EZH2: variants seen among roughly 807,000 people sequenced by gnomAD.
The protein encoded by EZH2 is histone-lysine N-methyltransferase EZH2.
Under a neutral mutation model 98.4 loss-of-function variants are expected in EZH2, and 18 were observed. The observed-to-expected ratio is 0.18, with a 90% CI of 0.13 to 0.27. EZH2 has a LOEUF of 0.27. Among genes scored for constraint, EZH2 ranks in the 10% least tolerant of loss-of-function variants. EZH2 has a pLI of 1.00. For synonymous variants in EZH2, 338 were observed against 312.3 expected (o/e 1.08, Z -0.87); for missense variants, 470 against 935.1 (o/e 0.50, Z 6.49).
At chr7:148,865,947 A>G (rs573823291) in intron 1 of EZH2, among the ~76,000 whole-genome samples, 1 of 152,166 alleles carries the variant, frequency 6.6e-6, no homozygotes, top group African/African-American at 2.4e-5. Flanking sequence ...CAATGTCTGC[A>G]AAGTGCCATT....
chr7:148,871,414 A>AG (rs950785111), intron 1 of EZH2, among the ~76,000 whole-genome samples: 4 of 149,750 alleles, frequency 2.7e-5, no homozygotes, highest in Non-Finnish European at 4.5e-5. Context: ...AAAAAAAAAA[A>AG]AAAAAAAAAA....
chr7:148,811,320 T>C (rs1803021963), intron 16 of EZH2, among the ~76,000 whole-genome samples: 1 of 152,100 alleles, frequency 6.6e-6, no homozygotes, highest in African/African-American at 2.4e-5. Flanking sequence ...CCGGCTAATT[T>C]TTGCATTTTT....
At chr7:148,834,227 G>C (rs1179089205) in intron 3 of EZH2, among the ~76,000 whole-genome samples, 1 of 151,808 alleles carries the variant, frequency 6.6e-6, no homozygotes, top group Non-Finnish European at 1.5e-5. Flanking sequence ...TACTGCCCAG[G>C]TGTAAGTCCT....
In EZH2 at chr7:148,879,801, G is replaced by A. The variant is rs539554750; in HGVS notation, c.-8+4363C>T. Among the ~76,000 whole-genome samples, 12 of 151,858 alleles carry A rather than the reference G, an allele frequency of 7.9e-5. No individual in the cohort carries two copies. In the South Asian group the frequency reaches 2.3e-3, roughly 29 times the overall value. Reference sequence around the variant, plus strand: ...GCACAAGAATCACTTTCGAGACTCCGTCTCAAAAAAAAAAAGTATCTGGGT... The same window carrying A: ...GCACAAGAATCACTTTCGAGACTCCATCTCAAAAAAAAAAAGTATCTGGGT... On this transcript the variant is annotated intron_variant, in intron 1 of 19. Coordinates refer to ENST00000320356, the MANE Select transcript of EZH2 (RefSeq NM_004456.5).
chr7:148,845,470 G>C (rs1205346168), intron 3 of EZH2, among the ~76,000 whole-genome samples: 1 of 152,152 alleles, frequency 6.6e-6, no homozygotes, highest in Non-Finnish European at 1.5e-5. Flanking sequence ...ATCATTCCAA[G>C]TGTCACCATC....
At chr7:148,871,403 T>TAAAA (rs71529646) in intron 1 of EZH2, among the ~76,000 whole-genome samples, 395 of 88,386 alleles carry the variant, frequency 4.5e-3, no homozygotes, top group Non-Finnish European at 5.0e-3. Context: ...GACGAATAAT[T>TAAAA]AAAAAAAAAA....
chr7:148,841,244 G>GA (rs915487346), intron 3 of EZH2, among the ~76,000 whole-genome samples: 22 of 143,084 alleles, frequency 1.5e-4, no homozygotes, highest in South Asian at 2.2e-4. Flanking sequence ...CTGCTCACAA[G>GA]AAAAAAAAAA....
intron 1 of EZH2, among the ~76,000 whole-genome samples, chr7:148,874,688 T>C (rs917611336): frequency 6.6e-6 from 1 of 152,020 alleles, no homozygotes; most frequent in Non-Finnish European, 1.5e-5. Flanking sequence ...GCAATTCAGG[T>C]GTTGAGCAAA....
chr7:148,813,871 C>A, intron 15 of EZH2, 88 bp downstream of exon 15: 2 of 1,378,666 alleles, frequency 1.5e-6, no homozygotes, highest in Non-Finnish European at 2.0e-6. Flanking sequence ...TACTTTTTGC[C>A]CCAGCTAAAT....
At chr7:148,861,891 C>T (rs961891879) in intron 1 of EZH2, among the ~76,000 whole-genome samples, 2 of 151,660 alleles carry the variant, frequency 1.3e-5, no homozygotes, top group African/African-American at 4.8e-5. Flanking sequence ...AACGGATTCT[C>T]GTAACTGTTT....
intron 1 of EZH2, among the ~76,000 whole-genome samples, chr7:148,876,564 G>T (rs1227446680): frequency 2.0e-5 from 3 of 152,110 alleles, no homozygotes; most frequent in Non-Finnish European, 2.9e-5. Context: ...ATAGAAAATT[G>T]TCACACAAAT....
intron 1 of EZH2, among the ~76,000 whole-genome samples, chr7:148,872,688 T>C (rs567102158): frequency 7.1e-4 from 108 of 152,338 alleles, no homozygotes; most frequent in African/African-American, 2.2e-3. Flanking sequence ...TTAATTATGA[T>C]TGAAATTCTT....
At chr7:148,880,541 G>A (rs576147255) in intron 1 of EZH2, among the ~76,000 whole-genome samples, 2 of 152,244 alleles carry the variant, frequency 1.3e-5, no homozygotes, top group South Asian at 2.1e-4. Context: ...CCAGTTGTCC[G>A]AGTGTAATAG....
chr7:148,861,730 C>A (rs546511379), intron 1 of EZH2, among the ~76,000 whole-genome samples: 1 of 149,742 alleles, frequency 6.7e-6, no homozygotes, highest in East Asian at 2.0e-4. Flanking sequence ...TAGCACTTTG[C>A]GGGGCTGAGG....
In EZH2 at chr7:148,819,674, T is replaced by C. The variant is rs540290880; in HGVS notation, c.921A>G (p.Thr307=). The part of the protein sequence containing the change: ...HRKCNYSFHA[T]PNTYKRKNTE... Reference sequence around the variant, plus strand: ...TGTTCTTCCGCTTATAAGTGTTGGGTGTTGCATGAAAAGCTGCAAAATAAA... The same window carrying C: ...TGTTCTTCCGCTTATAAGTGTTGGGCGTTGCATGAAAAGCTGCAAAATAAA... The change falls in exon 9 of 20, where the codon ACA becomes ACG. Residue 307 remains threonine (T), a synonymous_variant. Coordinates refer to ENST00000320356, the MANE Select transcript of EZH2 (RefSeq NM_004456.5). 1.2e-6 allele frequency: 2 copies of C among 1,614,016 alleles called. No homozygotes were observed. The highest frequency in any genetic ancestry group is 1.7e-5 in the Admixed American group (1 of 60,000).
At chr7:148,837,306 T>C (rs928971016) in intron 3 of EZH2, among the ~76,000 whole-genome samples, 1 of 152,230 alleles carries the variant, frequency 6.6e-6, no homozygotes, top group African/African-American at 2.4e-5. Flanking sequence ...TAGTAAACTG[T>C]TGACATTGTC....
At chr7:148,845,155 C>T (rs961211245) in intron 3 of EZH2, among the ~76,000 whole-genome samples, 1 of 152,154 alleles carries the variant, frequency 6.6e-6, no homozygotes, top group African/African-American at 2.4e-5. Context: ...CCTAATTTCT[C>T]CAAATTTCTA....
intron 1 of EZH2, among the ~76,000 whole-genome samples, chr7:148,854,492 C>T (rs1816459307): frequency 6.6e-6 from 1 of 151,960 alleles, no homozygotes; most frequent in South Asian, 2.1e-4. Context: ...GGAATGACCA[C>T]CTATTTGGTC....
At chr7:148,837,067 A>G (rs1417789675) in intron 3 of EZH2, 1 of 443,826 alleles carries the variant, frequency 2.3e-6, no homozygotes, top group Non-Finnish European at 4.5e-6. Context: ...AGACTTTACC[A>G]AAGTTAGCTT....
Sources: gnomAD v4.1 joint callset for allele counts (sites outside exome capture counted in the v4.1 genomes callset) on GRCh38, gnomAD v4.1.1 for gene constraint, MANE v1.5 for transcripts, NCBI Gene and HGNC (gene_info 2026-07-23, HGNC 2026-07-21) for gene names.